Variants in CDH4 observed in about 807,000 individuals in gnomAD.
The protein encoded by CDH4 is cadherin-4.
In CDH4, 33 loss-of-function variants were observed where a neutral mutation model predicts 86.0. That is an observed-to-expected ratio of 0.38 (90% CI 0.29 to 0.51). The LOEUF is 0.51. Ranked by LOEUF, CDH4 falls within the 20% of genes least tolerant of loss-of-function variation. The probability of loss-of-function intolerance (pLI) is 0.86; values close to 1 mark genes in which losing one functional copy is unlikely to be tolerated. For missense variants in CDH4, 1,114 were observed against 1,307.4 expected, an observed-to-expected ratio of 0.85 and a Z score of 2.28; for synonymous variants, 555 against 549.4, an observed-to-expected ratio of 1.01 and a Z score of -0.14.
chr20:61,364,270 A>G (rs2084799259), intron 2 of CDH4, among the ~76,000 whole-genome samples: 1 of 152,130 alleles, frequency 6.6e-6, no homozygotes, highest in African/African-American at 2.4e-5. Context: ...CCCACATGGA[A>G]GCTGGTAGAG....
At chr20:61,736,481 G>T in intron 2 of CDH4, among the ~76,000 whole-genome samples, 1 of 152,288 alleles carries the variant, frequency 6.6e-6, no homozygotes, top group South Asian at 2.1e-4. Context: ...CACGTCTGAT[G>T]TGATGACTTG....
intron 2 of CDH4, among the ~76,000 whole-genome samples, chr20:61,341,520 T>G (rs1405485661): frequency 1.4e-5 from 2 of 142,144 alleles, no homozygotes; most frequent in Non-Finnish European, 3.0e-5. Flanking sequence ...ATATACTTTT[T>G]TTTCTTTTTT....
At chr20:61,565,185 T>TGGC (rs1408105899) in intron 2 of CDH4, among the ~76,000 whole-genome samples, 1 of 68,772 alleles carries the variant, frequency 1.5e-5, no homozygotes, top group Non-Finnish European at 3.0e-5. Context: ...GTGGTGGTGG[T>TGGC]GGTCCTCTTG....
chr20:61,297,136 A>AG (rs1600844570), intron 2 of CDH4, among the ~76,000 whole-genome samples: 1 of 152,218 alleles, frequency 6.6e-6, no homozygotes, highest in African/African-American at 2.4e-5. Flanking sequence ...CTGTAATCCC[A>AG]GCACTTTGGG....
rs1445131615 is a variant in CDH4, at chr20:61,939,829, G to C, written c.*2886G>C. 6.6e-6 allele frequency: 1 copy of C among 152,278 alleles called. No homozygotes were observed. Among genetic ancestry groups the C allele is most frequent in the Non-Finnish European group, 1.5e-5 (1 of 68,070 alleles). The allele number at this position is 152,278 out of a possible 1,614,324, so 9.4% of individuals were successfully genotyped here. A position where few individuals can be genotyped will look rare whatever the true frequency, so the allele number is the denominator to read the frequency against. On this transcript the variant is annotated 3_prime_UTR_variant, in exon 16 of 16. Coordinates refer to ENST00000614565, the MANE Select transcript of CDH4 (RefSeq NM_001794.5). The stretch of plus-strand genomic sequence containing the variant: ...AGGCAGCCCCCAGCCTAGGGCCACA[G>C]TCCTCTTCAGGGCCTGGGCAGCCCC...
intron 2 of CDH4, among the ~76,000 whole-genome samples, chr20:61,714,039 T>TTA (rs1414091789): frequency 6.7e-6 from 1 of 148,332 alleles, no homozygotes; most frequent in Non-Finnish European, 1.5e-5. Context: ...TTATTTTATT[T>TTA]TATTTTATTT....
At chr20:61,531,848 C>G (rs555966982) in intron 2 of CDH4, among the ~76,000 whole-genome samples, 1 of 152,232 alleles carries the variant, frequency 6.6e-6, no homozygotes. Context: ...CGACCAACAC[C>G]GGTTGGGGAA....
chr20:61,852,082 C>T (rs1011507748), intron 5 of CDH4, among the ~76,000 whole-genome samples: 4 of 152,196 alleles, frequency 2.6e-5, no homozygotes, highest in Admixed American at 1.3e-4. Flanking sequence ...GTTCCTGTGA[C>T]GTTCCCAGGA....
rs556592464 is a variant in CDH4 at position 61,927,115 on chromosome 20, G to A, written c.1772-1075G>A. On this transcript the variant is annotated intron_variant, in intron 11 of 15. Transcript: ENST00000614565. ...TTAAATGTGTTTTGACGCAGCTTCCGGAAGATTAAAGAGACATCCGTGGGA... is the reference window on the plus strand; with the variant it reads ...TTAAATGTGTTTTGACGCAGCTTCCAGAAGATTAAAGAGACATCCGTGGGA... Among the ~76,000 whole-genome samples, 77 of 152,328 alleles carry A rather than the reference G, an allele frequency of 5.1e-4. No individual in the cohort carries two copies. The East Asian group carries it at 8.7e-3, about 17-fold the overall frequency.
intron 2 of CDH4, among the ~76,000 whole-genome samples, chr20:61,659,584 G>A (rs936782692): frequency 6.7e-6 from 1 of 149,760 alleles, no homozygotes; most frequent in Admixed American, 6.6e-5. Flanking sequence ...AGGAGGGTGG[G>A]CCTCAGCCAT....
rs2085817105 is a variant in CDH4, at chr20:61,516,027, G to A, written c.170-227536G>A. ...CTTCTCCAGCCCCATCTTCCCCTGG[G>A]CTCTGGAACGCCCCCCCAATACGAT... On this transcript the variant is annotated intron_variant, in intron 2 of 15. Coordinates refer to ENST00000614565, the MANE Select transcript of CDH4 (RefSeq NM_001794.5). This position sits in a 1 kb window ranked among gnomAD's most constrained non-coding sequence, Gnocchi z 4.0. 1.3e-5 allele frequency among the ~76,000 whole-genome samples: 2 copies of A among 152,214 alleles called. No individual in the cohort carries two copies. Among genetic ancestry groups the A allele is most frequent in the South Asian group, 2.1e-4 (1 of 4,820 alleles).
chr20:61,294,102 A>G (rs2084338680), intron 2 of CDH4, among the ~76,000 whole-genome samples: 1 of 152,126 alleles, frequency 6.6e-6, no homozygotes, highest in South Asian at 2.1e-4. Context: ...TGACCTTCAC[A>G]GAGAACCCAC....
chr20:61,815,070 A>G (rs1297341916), intron 4 of CDH4, among the ~76,000 whole-genome samples: 1 of 152,182 alleles, frequency 6.6e-6, no homozygotes. Flanking sequence ...ATTGAATAGG[A>G]TGCTAGGAAA....
At chr20:61,412,103 C>T (rs1296208608) in intron 2 of CDH4, among the ~76,000 whole-genome samples, 1 of 152,230 alleles carries the variant, frequency 6.6e-6, no homozygotes, top group African/African-American at 2.4e-5. Context: ...CAGGCACCAG[C>T]CAGTTTCTGT....
intron 2 of CDH4, among the ~76,000 whole-genome samples, chr20:61,579,278 G>A (rs903318449): frequency 1.4e-5 from 2 of 141,362 alleles, no homozygotes; most frequent in African/African-American, 2.6e-5. Context: ...AATCTCCCTC[G>A]ATGGAGATTT....
intron 4 of CDH4, among the ~76,000 whole-genome samples, chr20:61,822,286 G>A (rs995926569): frequency 9.2e-5 from 14 of 152,112 alleles, no homozygotes; most frequent in Non-Finnish European, 8.8e-5. Context: ...TATAATAACC[G>A]TCTTGTCTTG....
intron 2 of CDH4, among the ~76,000 whole-genome samples, chr20:61,328,240 A>T (rs778879605): frequency 6.6e-6 from 1 of 152,082 alleles, no homozygotes; most frequent in Non-Finnish European, 1.5e-5. Context: ...CAGTGGTGCA[A>T]TCTCGGCTCA....
chr20:61,768,356 A>G (rs1298084621), intron 3 of CDH4, among the ~76,000 whole-genome samples: 1 of 152,124 alleles, frequency 6.6e-6, no homozygotes, highest in Non-Finnish European at 1.5e-5. Context: ...ATATATATCT[A>G]TATGTGCATG....
intron 2 of CDH4, among the ~76,000 whole-genome samples, chr20:61,613,280 C>T (rs2145762437): frequency 6.6e-6 from 1 of 152,240 alleles, no homozygotes; most frequent in East Asian, 1.9e-4. Context: ...AGAGACACAG[C>T]TGCTGCCTTC....
Sources: allele counts gnomAD v4.1 joint callset (sites outside exome capture counted in the v4.1 genomes callset), GRCh38; gene constraint gnomAD v4.1.1; non-coding constraint Gnocchi (gnomAD v3.1); transcripts MANE v1.5; gene names NCBI Gene and HGNC (gene_info 2026-07-23, HGNC 2026-07-21).